Variants in HIPK1 observed in about 807,000 individuals in gnomAD.
The protein encoded by HIPK1 is homeodomain interacting protein kinase 1, also known as homeodomain-interacting protein kinase 1.
Under a neutral mutation model 117.1 loss-of-function variants are expected in HIPK1, and 28 were observed. The ratio of observed to expected loss-of-function variants is 0.24; its 90% CI spans 0.18 to 0.33. HIPK1 has a LOEUF of 0.33. HIPK1 is among the 10% of genes least tolerant of loss of function. The pLI, the probability that HIPK1 is intolerant of heterozygous loss-of-function variation, is 1.00. For missense variants in HIPK1, 1,122 were observed against 1,475.1 expected (o/e 0.76, Z 3.92); for synonymous variants, 605 against 562.5 (o/e 1.08, Z -1.07).
At chr1:113,972,062 T>G (rs1672869396) in intron 15 of HIPK1, 108 bp downstream of exon 15, 1 of 1,612,602 alleles carries the variant, frequency 6.2e-7, no homozygotes, top group Non-Finnish European at 8.5e-7. Context: ...AAGCCCCTTT[T>G]GTGTCAAACA....
Position 113,973,668 on chromosome 1 carries a change from G to T in HIPK1, c.*156G>T. On this transcript the variant is annotated 3_prime_UTR_variant, in exon 16 of 16. Coordinates refer to ENST00000426820, the MANE Select transcript of HIPK1 (RefSeq NM_198268.3). The stretch of plus-strand genomic sequence containing the variant: ...ACTGAAGCAGAAGGTTTTTCTCTGG[G>T]GGAACCTGTCTCAGTGTTGACTGCA... 1 of 769,408 alleles carries T rather than the reference G, an allele frequency of 1.3e-6. No individual in the cohort carries two copies. The highest frequency in any genetic ancestry group is 2.0e-6 in the Non-Finnish European group (1 of 506,270). The allele number at this position is 769,408 out of a possible 1,614,324, so 47.7% of individuals were successfully genotyped here.
chr1:113,950,119 AT>A (rs796970957), intron 2 of HIPK1, among the ~76,000 whole-genome samples: 6 of 149,832 alleles, frequency 4.0e-5, no homozygotes, highest in African/African-American at 1.2e-4. Flanking sequence ...CTAGGGGAGG[AT>A]TTTTTTTTTC....
intron 2 of HIPK1, among the ~76,000 whole-genome samples, chr1:113,951,911 A>G (rs1360381724): frequency 7.8e-6 from 1 of 129,008 alleles, no homozygotes; most frequent in Non-Finnish European, 1.7e-5. Context: ...TCCAGAAGGC[A>G]TTTCTGTCAT....
At position 113,974,824 on chromosome 1, in the gene HIPK1, A is replaced by G. The variant is rs1673054080; in HGVS notation, c.*1312A>G. On this transcript the variant is annotated 3_prime_UTR_variant, in exon 16 of 16. Coordinates refer to ENST00000426820, the MANE Select transcript of HIPK1 (RefSeq NM_198268.3). ...AACAAGCAATTTTTCCTGCTAACCC[A>G]AAATGTTATTTGTAATCAAATGTGT... The G allele has an allele frequency of 6.5e-6, 1 of 152,740 alleles. No homozygotes were observed. The highest frequency in any genetic ancestry group is 2.4e-5 in the African/African-American group (1 of 41,462). The allele number at this position is 152,740 out of a possible 1,614,324, so 9.5% of individuals were successfully genotyped here.
At chr1:113,957,503 T>C (rs930372313) in intron 7 of HIPK1, among the ~76,000 whole-genome samples, 4 of 152,226 alleles carry the variant, frequency 2.6e-5, no homozygotes, top group African/African-American at 9.6e-5. Context: ...CATGCCCTCA[T>C]ATGTTCAGCA....
Position 113,957,319 on chromosome 1 carries a change from T to C in HIPK1, c.1755+33T>C, listed in dbSNP as rs1452819435. On this transcript the variant is annotated intron_variant, in intron 7 of 15. Transcript: ENST00000426820. Reference sequence around the variant, plus strand: ...ATAAATAATTTTGGAAACTCAAGCTTAAGTGGGATAGAAACTAGTAAGAAT... The same window carrying C: ...ATAAATAATTTTGGAAACTCAAGCTCAAGTGGGATAGAAACTAGTAAGAAT... 8 of 1,556,136 alleles carry C rather than the reference T, an allele frequency of 5.1e-6. 1 individual carries two copies. In the South Asian group the frequency reaches 9.1e-5, roughly 18 times the overall value.
Position 113,934,921 on chromosome 1 carries a change from C to T in HIPK1, c.-3+5389C>T, listed in dbSNP as rs190083740. Among the ~76,000 whole-genome samples, 1,265 of 141,460 alleles carry T rather than the reference C, an allele frequency of 8.9e-3. 7 individuals are homozygous for T. Among genetic ancestry groups the T allele is most frequent in the South Asian group, 0.024 (109 of 4,598 alleles). 92.8% of individuals were successfully genotyped at this position (141,460 alleles called of 152,430 possible). A position where few individuals can be genotyped will look rare whatever the true frequency, so the allele number is the denominator to read the frequency against. The stretch of plus-strand genomic sequence containing the variant: ...AGAGGATTGCTTGAGCCCAGGATTT[C>T]GAGGATACAGTGAGCTGTGATCACA... On this transcript the variant is annotated intron_variant, in intron 1 of 15. Coordinates refer to ENST00000426820, the MANE Select transcript of HIPK1 (RefSeq NM_198268.3).
chr1:113,942,316 C>T (rs575234055), intron 2 of HIPK1, among the ~76,000 whole-genome samples: 118 of 151,694 alleles, frequency 7.8e-4, no homozygotes, highest in African/African-American at 2.7e-3. Context: ...CCGCCTCAGC[C>T]TCCCAAAGTG....
In HIPK1 at chr1:113,956,666, G is replaced by T; in HGVS notation, c.1447G>T (p.Ala483Ser). The change falls in exon 6 of 16, where the codon GCA becomes TCA. Residue 483 changes from alanine (A) to serine (S), a missense_variant. Physicochemically the swap from Ala to Ser is moderately conservative, Grantham distance 99. Transcript: ENST00000426820. ...STDLEGTDML[A>S]EKADRREYID... ...AGACCTGGAGGGAACAGACATGTTG[G>T]CAGAGAAGGCAGACCGAAGAGAATA... 2 of 1,613,932 alleles carry T rather than the reference G, an allele frequency of 1.2e-6. No homozygotes were observed. The highest frequency in any genetic ancestry group is 1.7e-6 in the Non-Finnish European group (2 of 1,179,892).
chr1:113,973,313 A>G lies in HIPK1; in HGVS notation c.3434A>G (p.Tyr1145Cys). The G allele has an allele frequency of 1.2e-6, 2 of 1,614,122 alleles. No homozygotes were observed. The highest frequency in any genetic ancestry group is 1.3e-5 in the African/African-American group (1 of 75,010). Residue 1145 changes from tyrosine (Y) to cysteine (C), a missense_variant, in exon 16 of 16, where the codon TAT (tyrosine) becomes TGT (cysteine). Around this residue, in one of 6 missense-constraint regions of HIPK1, gnomAD observed 731 missense variants for 860.4 expected, o/e 0.85. Coordinates refer to ENST00000426820, the MANE Select transcript of HIPK1 (RefSeq NM_198268.3). ...PQGSSRHAAA[Y>C]TTHPSTLVHQ... ...GGTTCCTCAAGGCATGCTGCAGCCT[A>G]TACCACTCACCCTAGCACTTTGGTG... is the stretch of plus-strand genomic sequence containing the variant.
At chr1:113,972,475 A>G (rs146865729) in intron 15 of HIPK1, among the ~76,000 whole-genome samples, 34 of 152,190 alleles carry the variant, frequency 2.2e-4, no homozygotes, top group African/African-American at 7.5e-4. Context: ...ACTTTATTCT[A>G]TTTGTGTTCA....
intron 1 of HIPK1, among the ~76,000 whole-genome samples, chr1:113,938,782 C>T (rs1670421747): frequency 6.6e-6 from 1 of 151,664 alleles, no homozygotes; most frequent in South Asian, 2.1e-4. Flanking sequence ...TGGTCGTGCA[C>T]GCCTCTACTC....
chr1:113,947,877 T>C (rs111367775), intron 2 of HIPK1, among the ~76,000 whole-genome samples: 20 of 152,216 alleles, frequency 1.3e-4, no homozygotes, highest in Admixed American at 1.2e-3. Flanking sequence ...TCTTTCACTT[T>C]CCTGTGCTTC....
At chr1:113,949,722 C>T (rs1302673460) in intron 2 of HIPK1, among the ~76,000 whole-genome samples, 1 of 151,848 alleles carries the variant, frequency 6.6e-6, no homozygotes, top group Non-Finnish European at 1.5e-5. Flanking sequence ...CCTCAGCCTC[C>T]TGAGTAGCTG....
In HIPK1 at chr1:113,973,581, T is replaced by G; in HGVS notation, c.*69T>G. On this transcript the variant is annotated 3_prime_UTR_variant, in exon 16 of 16. Coordinates refer to ENST00000426820, the MANE Select transcript of HIPK1 (RefSeq NM_198268.3). ...GCCCTGCGTTCTTAATATTGGGCTA[T>G]GGAGAGATCCTCCTTTACCCTCTTG... 1 of 1,498,712 alleles carries G rather than the reference T, an allele frequency of 6.7e-7. No individual in the cohort carries two copies. Among genetic ancestry groups the G allele is most frequent in the Non-Finnish European group, 9.0e-7 (1 of 1,116,882 alleles). The allele number at this position is 1,498,712 out of a possible 1,614,324, so 92.8% of individuals were successfully genotyped here.
chr1:113,967,142 A>G (rs905806023), intron 11 of HIPK1, among the ~76,000 whole-genome samples: 9 of 152,194 alleles, frequency 5.9e-5, no homozygotes, highest in Admixed American at 1.3e-4. Context: ...GTTGATGGAC[A>G]CTTAGGCTGC....
At position 113,966,211 on chromosome 1, in the gene HIPK1, G is replaced by C; in HGVS notation, c.2320G>C (p.Val774Leu). Residue 774 changes from valine (V) to leucine (L), a missense_variant, in exon 11 of 16, where the codon GTC (valine) becomes CTC (leucine). Transcript: ENST00000426820. ...QLPGVALHNS[V>L]QPTAMIPEAM... The stretch of plus-strand genomic sequence containing the variant: ...GCCTGGGGTAGCTCTACACAACTCT[G>C]TCCAGCCCACAGCAATGATTCCAGA... The C allele has an allele frequency of 5.0e-6, 8 of 1,614,108 alleles. No individual in the cohort carries two copies. The highest frequency in any genetic ancestry group is 6.8e-6 in the Non-Finnish European group (8 of 1,179,986).
rs148101188 is a variant in HIPK1, at chr1:113,973,080, C to G, written c.3201C>G (p.Pro1067=). ...TSQERSSNPA[P]RRQQAFVAPL... is the part of the protein sequence containing the mutation. Reference sequence around the variant, plus strand: ...AGGAGAGAAGCAGCAACCCAGCCCCCCGCAGGCAGCAGGCGTTTGTGGCCC... The same window carrying G: ...AGGAGAGAAGCAGCAACCCAGCCCCGCGCAGGCAGCAGGCGTTTGTGGCCC... Residue 1067 remains proline, a synonymous_variant, in exon 16 of 16, where the codon CCC becomes CCG. Coordinates refer to ENST00000426820, the MANE Select transcript of HIPK1 (RefSeq NM_198268.3). 7.8e-6 allele frequency: 12 copies of G among 1,535,434 alleles called. No homozygotes were observed. The highest frequency in any genetic ancestry group is 1.1e-5 in the Non-Finnish European group (12 of 1,141,226).
chr1:113,952,958 G>T, intron 3 of HIPK1, 69 bp downstream of exon 3: 1 of 1,352,854 alleles, frequency 7.4e-7, no homozygotes, highest in Non-Finnish European at 9.7e-7. Context: ...TGGAGAAAGA[G>T]AAGTACTAAG....
Sources: allele counts gnomAD v4.1 joint callset (sites outside exome capture counted in the v4.1 genomes callset), GRCh38; gene constraint gnomAD v4.1.1; regional missense constraint gnomAD v4.1.1; transcripts MANE v1.5; gene names NCBI Gene and HGNC (gene_info 2026-07-23, HGNC 2026-07-21).